The following FBXL7 variants were observed in gnomAD, a reference collection of about 807,000 sequenced individuals.
FBXL7 encodes F-box/LRR-repeat protein 7.
In FBXL7, 12 loss-of-function variants were observed where a neutral mutation model predicts 38.3. The observed-to-expected ratio is 0.31, with a 90% CI of 0.20 to 0.51. FBXL7 has a LOEUF of 0.51. FBXL7 is among the 20% of genes least tolerant of loss of function. The pLI, the probability that FBXL7 is intolerant of heterozygous loss-of-function variation, is 0.98. For missense variants in FBXL7, 567 were observed against 676.4 expected, an observed-to-expected ratio of 0.84 and a Z score of 1.79; for synonymous variants, 297 against 300.9, an observed-to-expected ratio of 0.99 and a Z score of 0.13.
chr5:15,756,053 A>G (rs1736288566), intron 2 of FBXL7, among the ~76,000 whole-genome samples: 1 of 152,208 alleles, frequency 6.6e-6, no homozygotes, highest in Admixed American at 6.5e-5. Flanking sequence ...AATAACATGT[A>G]AATTGGTATT....
At chr5:15,916,283 C>G (rs1741581342) in intron 2 of FBXL7, among the ~76,000 whole-genome samples, 1 of 152,162 alleles carries the variant, frequency 6.6e-6, no homozygotes, top group Non-Finnish European at 1.5e-5. Context: ...CCAATAGTCA[C>G]CTGTGCCTAG....
intron 1 of FBXL7, among the ~76,000 whole-genome samples, chr5:15,564,138 G>T (rs899474813): frequency 2.6e-4 from 39 of 151,914 alleles, no homozygotes; most frequent in African/African-American, 8.9e-4. Context: ...TAAAAATTAG[G>T]ATAGAATATT....
At chr5:15,549,710 A>G (rs1393959691) in intron 1 of FBXL7, among the ~76,000 whole-genome samples, 1 of 152,214 alleles carries the variant, frequency 6.6e-6, no homozygotes, top group Non-Finnish European at 1.5e-5. Flanking sequence ...GTAGCTACAT[A>G]ATATCCTTGA....
intron 2 of FBXL7, among the ~76,000 whole-genome samples, chr5:15,709,361 C>G (rs1743787995): frequency 6.6e-6 from 1 of 152,020 alleles, no homozygotes; most frequent in Non-Finnish European, 1.5e-5. Flanking sequence ...TGGTACAACC[C>G]TGTCTCTACT....
chr5:15,524,101 C>T (rs1373458444), intron 1 of FBXL7, among the ~76,000 whole-genome samples: 6 of 152,060 alleles, frequency 3.9e-5, no homozygotes, highest in African/African-American at 1.4e-4. Flanking sequence ...CATAAAATGC[C>T]ACTAAATAAC....
intron 1 of FBXL7, among the ~76,000 whole-genome samples, chr5:15,612,870 A>C (rs1342852346): frequency 6.6e-6 from 1 of 152,250 alleles, no homozygotes; most frequent in African/African-American, 2.4e-5. Flanking sequence ...TGGCTTTAGC[A>C]GTGAGTACTG....
intron 2 of FBXL7, among the ~76,000 whole-genome samples, chr5:15,793,958 A>T (rs1737349015): frequency 6.6e-6 from 1 of 152,220 alleles, no homozygotes; most frequent in African/African-American, 2.4e-5. Flanking sequence ...CACACTATGC[A>T]CACACTTCAT....
intron 2 of FBXL7, among the ~76,000 whole-genome samples, chr5:15,779,217 G>A (rs1439777143): frequency 6.6e-6 from 1 of 151,510 alleles, no homozygotes; most frequent in East Asian, 1.9e-4. Flanking sequence ...GAGGGATGAA[G>A]GTAAGTTAGT....
At chr5:15,673,723 C>G (rs1388541931) in intron 2 of FBXL7, among the ~76,000 whole-genome samples, 1 of 152,082 alleles carries the variant, frequency 6.6e-6, no homozygotes, top group Non-Finnish European at 1.5e-5. Flanking sequence ...CTATGAGTAT[C>G]CCCAAGCCTG....
At chr5:15,900,026 T>A (rs891741360) in intron 2 of FBXL7, among the ~76,000 whole-genome samples, 1 of 152,138 alleles carries the variant, frequency 6.6e-6, no homozygotes, top group Non-Finnish European at 1.5e-5. Context: ...CACACTATGA[T>A]CCAACTCAGG....
intron 2 of FBXL7, among the ~76,000 whole-genome samples, chr5:15,850,285 A>C (rs1407470148): frequency 6.6e-6 from 1 of 152,226 alleles, no homozygotes; most frequent in East Asian, 1.9e-4. Context: ...GAAGATCACA[A>C]ACGTGATTCC....
At chr5:15,593,446 C>A (rs555999538) in intron 1 of FBXL7, among the ~76,000 whole-genome samples, 5 of 152,146 alleles carry the variant, frequency 3.3e-5, no homozygotes, top group African/African-American at 1.2e-4. Context: ...ATTGCTTGAA[C>A]CCAGGAGGCG....
chr5:15,864,504 A>G (rs930439782), intron 2 of FBXL7, among the ~76,000 whole-genome samples: 12 of 152,124 alleles, frequency 7.9e-5, no homozygotes, highest in Admixed American at 7.9e-4. Flanking sequence ...GATATTCTAG[A>G]GTTGTAGGTG....
At position 15,649,101 on chromosome 5, in the gene FBXL7, A is replaced by G. The variant is rs189396739; in HGVS notation, c.127+33029A>G. Among the ~76,000 whole-genome samples, 466 of 152,138 alleles carry G rather than the reference A, an allele frequency of 3.1e-3. 1 individual carries two copies. The highest frequency in any genetic ancestry group is 0.017 in the Middle Eastern group (5 of 294). ...AACCTCTGCCTCCCTGGTTCAAGCT[A>G]TTCTTGTGCCTCAGCCTCCCAAGTA... On this transcript the variant is annotated intron_variant, in intron 2 of 3. Transcript: ENST00000504595.
intron 2 of FBXL7, among the ~76,000 whole-genome samples, chr5:15,695,645 C>T (rs1481892334): frequency 6.6e-6 from 1 of 152,194 alleles, no homozygotes; most frequent in Non-Finnish European, 1.5e-5. Context: ...GTGTGTCAGT[C>T]ACCATGCAGA....
chr5:15,922,476 C>A (rs1247413304), intron 2 of FBXL7, among the ~76,000 whole-genome samples: 4 of 152,086 alleles, frequency 2.6e-5, no homozygotes, highest in Non-Finnish European at 5.9e-5. Flanking sequence ...GATTCCACCT[C>A]GGAGAACAGA....
intron 2 of FBXL7, among the ~76,000 whole-genome samples, chr5:15,712,250 A>T (rs1743898283): frequency 1.3e-5 from 2 of 152,086 alleles, no homozygotes; most frequent in South Asian, 4.2e-4. Context: ...ATGAATTAGA[A>T]CTCTTTAAAA....
chr5:15,614,297 TCTCA>T (rs1740368621), intron 1 of FBXL7, among the ~76,000 whole-genome samples: 1 of 151,190 alleles, frequency 6.6e-6, no homozygotes, highest in South Asian at 2.1e-4. Flanking sequence ...TGAGACGGGC[TCTCA>T]CTCTGTTGCC....
At chr5:15,727,621 T>C (rs1735442156) in intron 2 of FBXL7, among the ~76,000 whole-genome samples, 1 of 152,212 alleles carries the variant, frequency 6.6e-6, no homozygotes, top group South Asian at 2.1e-4. Context: ...GACAGATTTC[T>C]TCTCTCTTGC....
Sources: gnomAD v4.1 joint callset for allele counts (sites outside exome capture counted in the v4.1 genomes callset) on GRCh38, gnomAD v4.1.1 for gene constraint, MANE v1.5 for transcripts, NCBI Gene and HGNC (gene_info 2026-07-23, HGNC 2026-07-21) for gene names.